RIMS1: variants seen among roughly 807,000 people sequenced by gnomAD.
The protein encoded by RIMS1 is regulating synaptic membrane exocytosis 1, also known as regulating synaptic membrane exocytosis protein 1.
RIMS1 carries 83 observed loss-of-function variants against 214.1 expected under a neutral mutation model. The observed-to-expected ratio is 0.39, with a 90% CI of 0.32 to 0.47. The LOEUF is 0.47. Ranked by LOEUF, RIMS1 falls within the 20% of genes least tolerant of loss-of-function variation. The pLI is 0.99. For missense variants in RIMS1, 2,050 were observed against 2,161.8 expected (o/e 0.95, Z 1.03); for synonymous variants, 793 against 786.8 (o/e 1.01, Z -0.13).
chr6:72,177,028 G>C (rs559628035), intron 4 of RIMS1, among the ~76,000 whole-genome samples: 1 of 152,262 alleles, frequency 6.6e-6, no homozygotes, highest in Non-Finnish European at 1.5e-5. Context: ...ATCAAAATAA[G>C]ATTGTGATAA....
chr6:72,398,331 T>A lies in RIMS1; in HGVS notation c.4701T>A (p.Pro1567=). The A allele has an allele frequency of 6.2e-7, 1 of 1,602,512 alleles. No homozygotes were observed. Among genetic ancestry groups the A allele is most frequent in the Non-Finnish European group, 8.5e-7 (1 of 1,174,442 alleles). ...VIRARSLTQK[P]GSKSTPAPYV... ...GAGCACGAAGCCTCACACAAAAGCC[T>A]GGTTCCAAATCTACACCTGGTAAGG... Residue 1567 remains proline, a synonymous_variant, in exon 32 of 34, where the codon CCT becomes CCA. Transcript: ENST00000521978.
At chr6:71,937,915 A>G (rs555349633) in intron 1 of RIMS1, among the ~76,000 whole-genome samples, 2 of 152,306 alleles carry the variant, frequency 1.3e-5, no homozygotes, top group African/African-American at 4.8e-5. Context: ...TTCCAGCTTC[A>G]ACTCTAAAGT....
At chr6:71,955,728 T>A (rs1791059519) in intron 1 of RIMS1, among the ~76,000 whole-genome samples, 1 of 152,198 alleles carries the variant, frequency 6.6e-6, no homozygotes, top group Non-Finnish European at 1.5e-5. Context: ...GTGCATATTT[T>A]TAATTTTAAT....
At chr6:72,365,091 T>G (rs1291023338) in intron 29 of RIMS1, among the ~76,000 whole-genome samples, 1 of 152,264 alleles carries the variant, frequency 6.6e-6, no homozygotes, top group Non-Finnish European at 1.5e-5. Context: ...GTTTGGTCTT[T>G]GCACAGAGGT....
intron 2 of RIMS1, among the ~76,000 whole-genome samples, chr6:71,983,435 G>A (rs1373033148): frequency 2.7e-5 from 4 of 150,148 alleles, no homozygotes; most frequent in Non-Finnish European, 5.9e-5. Flanking sequence ...TGTATAATCA[G>A]AAAAAAAGGG....
At chr6:72,027,767 G>T (rs1431349398) in intron 2 of RIMS1, among the ~76,000 whole-genome samples, 4 of 151,934 alleles carry the variant, frequency 2.6e-5, no homozygotes, top group Non-Finnish European at 2.9e-5. Flanking sequence ...ATTTTTATGG[G>T]TTTTTTTAAT....
chr6:72,136,092 T>C (rs939564984), intron 4 of RIMS1, among the ~76,000 whole-genome samples: 42 of 152,258 alleles, frequency 2.8e-4, no homozygotes, highest in African/African-American at 9.6e-4. Context: ...TAAAAGTCAA[T>C]AGAACTGGTA....
chr6:72,231,529 G>A (rs577626025), intron 6 of RIMS1, among the ~76,000 whole-genome samples: 1 of 151,720 alleles, frequency 6.6e-6, no homozygotes, highest in East Asian at 1.9e-4. Flanking sequence ...ATTTGTTTAA[G>A]CTGCAATATC....
At chr6:72,066,484 G>A (rs962786637) in intron 2 of RIMS1, among the ~76,000 whole-genome samples, 6 of 151,874 alleles carry the variant, frequency 4.0e-5, no homozygotes, top group African/African-American at 1.5e-4. Flanking sequence ...TTATCTCCTC[G>A]GCCAACCCAA....
intron 2 of RIMS1, among the ~76,000 whole-genome samples, chr6:71,978,081 A>C (rs1318577855): frequency 6.6e-6 from 1 of 152,164 alleles, no homozygotes; most frequent in Non-Finnish European, 1.5e-5. Flanking sequence ...TGAAGTTTTG[A>C]AAGCAGTGAG....
chr6:71,891,428 T>C (rs1330396111), intron 1 of RIMS1, among the ~76,000 whole-genome samples: 3 of 152,234 alleles, frequency 2.0e-5, no homozygotes, highest in African/African-American at 4.8e-5. Context: ...TACTACTTTT[T>C]TCCTGGAAAG....
At chr6:72,317,079 G>T (rs986092898) in intron 28 of RIMS1, 4 of 423,004 alleles carry the variant, frequency 9.5e-6, no homozygotes, top group Non-Finnish European at 1.8e-5. Context: ...GCAGGGGTGG[G>T]GTGGGCACCA....
chr6:72,123,120 T>C (rs1172370285), intron 4 of RIMS1, among the ~76,000 whole-genome samples: 1 of 151,860 alleles, frequency 6.6e-6, no homozygotes, highest in Non-Finnish European at 1.5e-5. Context: ...GTGCTATAGA[T>C]TTCCCTCTAC....
At chr6:72,041,143 C>A (rs903606227) in intron 2 of RIMS1, among the ~76,000 whole-genome samples, 1 of 151,830 alleles carries the variant, frequency 6.6e-6, no homozygotes, top group Admixed American at 6.6e-5. Context: ...GCTTTATGCA[C>A]ATAATTATTC....
At chr6:72,013,317 A>G (rs1811519897) in intron 2 of RIMS1, among the ~76,000 whole-genome samples, 1 of 152,282 alleles carries the variant, frequency 6.6e-6, no homozygotes, top group Non-Finnish European at 1.5e-5. Context: ...TAAGTACAGG[A>G]TTTATAATTG....
intron 31 of RIMS1, among the ~76,000 whole-genome samples, chr6:72,397,760 T>A (rs2154452978): frequency 6.6e-6 from 1 of 152,202 alleles, no homozygotes; most frequent in South Asian, 2.1e-4. Context: ...GTCCATACAG[T>A]CAATAAAATG....
At position 72,367,700 on chromosome 6, in the gene RIMS1, A is replaced by T. The variant is rs569875188; in HGVS notation, c.4367-22898A>T. Among the ~76,000 whole-genome samples, 3 of 152,306 alleles carry T rather than the reference A, an allele frequency of 2.0e-5. No homozygotes were observed. The East Asian group carries it at 5.8e-4, about 29-fold the overall frequency. ...AGGACAGTCTTACATACATATATAT[A>T]TTCAAAAACAGTGCTGTTCTCCAAA... On this transcript the variant is annotated intron_variant, in intron 29 of 33. Transcript: ENST00000521978.
intron 2 of RIMS1, among the ~76,000 whole-genome samples, chr6:72,038,530 A>T (rs1168068409): frequency 1.3e-5 from 2 of 152,142 alleles, no homozygotes; most frequent in African/African-American, 2.4e-5. Context: ...ATTAGGCCTT[A>T]ACCACTGAAC....
chr6:72,076,312 T>C (rs1831851458), intron 2 of RIMS1, among the ~76,000 whole-genome samples: 1 of 152,216 alleles, frequency 6.6e-6, no homozygotes, highest in Admixed American at 6.5e-5. Context: ...TTAAAGTCCA[T>C]GATAAAGGTG....
Sources: gnomAD v4.1 joint callset for allele counts (sites outside exome capture counted in the v4.1 genomes callset) on GRCh38, gnomAD v4.1.1 for gene constraint, MANE v1.5 for transcripts, NCBI Gene and HGNC (gene_info 2026-07-23, HGNC 2026-07-21) for gene names.